R3HDM1: variants seen among roughly 807,000 people sequenced by gnomAD.
R3HDM1 encodes R3H domain-containing protein 1.
R3HDM1 carries 46 observed loss-of-function variants against 141.1 expected under a neutral mutation model. That is an observed-to-expected ratio of 0.33 (90% CI 0.26 to 0.42). The LOEUF is 0.42. Ranked by LOEUF, R3HDM1 falls within the 10% of genes least tolerant of loss-of-function variation. The pLI, the probability that R3HDM1 is intolerant of heterozygous loss-of-function variation, is 1.00. For synonymous variants in R3HDM1, 435 were observed against 472.9 expected (o/e 0.92, Z 1.04); for missense variants, 1,184 against 1,368.3 (o/e 0.87, Z 2.12).
intron 1 of R3HDM1, among the ~76,000 whole-genome samples, chr2:135,578,736 T>C (rs1187030916): frequency 6.6e-6 from 1 of 152,202 alleles, no homozygotes; most frequent in East Asian, 1.9e-4. Context: ...GTAGTAAATG[T>C]GTTTCTCACA....
chr2:135,576,848 G>A (rs972931116), intron 1 of R3HDM1, among the ~76,000 whole-genome samples: 1 of 152,124 alleles, frequency 6.6e-6, no homozygotes, highest in African/African-American at 2.4e-5. Context: ...GGGGCTAAGG[G>A]AGTTTGGTCT....
intron 1 of R3HDM1, among the ~76,000 whole-genome samples, chr2:135,562,986 C>A (rs1305190088): frequency 7.9e-5 from 12 of 152,164 alleles, no homozygotes; most frequent in Non-Finnish European, 2.9e-5. Flanking sequence ...TAATAGTATC[C>A]CCTTTCATTA....
intron 18 of R3HDM1, 140 bp from the exon 19 acceptor site, chr2:135,661,130 C>A: frequency 9.4e-7 from 1 of 1,058,784 alleles, no homozygotes; most frequent in Non-Finnish European, 1.3e-6. Context: ...TTTTAAATTT[C>A]AGTTAAATTT....
rs757185594 is a variant in R3HDM1 at position 135,622,266 on chromosome 2, A to C, written c.419-388A>C. The C allele has an allele frequency of 3.5e-5, 34 of 983,602 alleles. 1 individual carries two copies. In the South Asian group the frequency reaches 1.5e-3, roughly 42 times the overall value. The allele number at this position is 983,602 out of a possible 1,614,324, so 60.9% of individuals were successfully genotyped here. ...CCTCCATTATATTCATATCTGAACT[A>C]AGCTGTCTTAATTTGCTACAAATGT... On this transcript the variant is annotated intron_variant, in intron 6 of 26. Transcript: ENST00000683871.
chr2:135,590,090 C>T (rs1157041873), intron 1 of R3HDM1, among the ~76,000 whole-genome samples: 2 of 151,990 alleles, frequency 1.3e-5, no homozygotes, highest in Non-Finnish European at 1.5e-5. Context: ...CCTTTCATGG[C>T]CCAAAAATAA....
intron 2 of R3HDM1, among the ~76,000 whole-genome samples, chr2:135,604,132 C>G (rs1282705347): frequency 1.3e-5 from 2 of 152,116 alleles, no homozygotes. Context: ...GGAGAGTTTT[C>G]AATGCTTTCT....
intron 9 of R3HDM1, among the ~76,000 whole-genome samples, chr2:135,634,421 A>T (rs2105226252): frequency 6.6e-6 from 1 of 152,276 alleles, no homozygotes; most frequent in African/African-American, 2.4e-5. Context: ...CAGGTGGATC[A>T]CTTGAGGTCG....
At chr2:135,682,331 T>C (rs904621200) in intron 21 of R3HDM1, among the ~76,000 whole-genome samples, 1 of 152,094 alleles carries the variant, frequency 6.6e-6, no homozygotes, top group African/African-American at 2.4e-5. Context: ...TATAAGAACC[T>C]ATGTAAGATG....
intron 1 of R3HDM1, among the ~76,000 whole-genome samples, chr2:135,548,272 G>A (rs1278062332): frequency 1.3e-5 from 2 of 152,042 alleles, no homozygotes; most frequent in Admixed American, 1.3e-4. Context: ...CAATTTTACA[G>A]TTAACCTTTT....
intron 1 of R3HDM1, among the ~76,000 whole-genome samples, chr2:135,578,995 G>A (rs1410923958): frequency 6.6e-6 from 1 of 152,156 alleles, no homozygotes; most frequent in Non-Finnish European, 1.5e-5. Context: ...GTGTGAATAT[G>A]TGTATACTGT....
chr2:135,613,395 C>T (rs950792348), intron 3 of R3HDM1, among the ~76,000 whole-genome samples: 1 of 152,218 alleles, frequency 6.6e-6, no homozygotes, highest in Non-Finnish European at 1.5e-5. Context: ...CTTTAAATCT[C>T]TCTGACTTGC....
At chr2:135,543,035 G>C in intron 1 of R3HDM1, 1 of 948,052 alleles carries the variant, frequency 1.1e-6, no homozygotes, top group Non-Finnish European at 1.3e-6. Flanking sequence ...ACTGTCCCTG[G>C]TCTAAATGTT....
intron 21 of R3HDM1, among the ~76,000 whole-genome samples, chr2:135,709,023 A>G (rs2075297662): frequency 6.6e-6 from 1 of 151,874 alleles, no homozygotes; most frequent in South Asian, 2.1e-4. Flanking sequence ...TTTCACACTA[A>G]TAGCCTTTAA....
chr2:135,659,994 C>T (rs2066484250), intron 18 of R3HDM1, among the ~76,000 whole-genome samples: 2 of 152,122 alleles, frequency 1.3e-5, no homozygotes, highest in African/African-American at 4.8e-5. Context: ...CAAAATGTCA[C>T]TTTGTGATAC....
chr2:135,699,139 TTCGAAGAGAGGCCTAAATATATAGAAG>T (rs2073880107), intron 21 of R3HDM1, among the ~76,000 whole-genome samples: 1 of 149,400 alleles, frequency 6.7e-6, no homozygotes, highest in African/African-American at 2.5e-5. Context: ...AGCAAAATCA[TTCGAAGAGAGGCCTAAATATATAGAAG>T]ACTTTAGGAG....
At chr2:135,679,820 C>T (rs915500040) in intron 20 of R3HDM1, among the ~76,000 whole-genome samples, 2 of 152,208 alleles carry the variant, frequency 1.3e-5, no homozygotes, top group African/African-American at 4.8e-5. Context: ...TGGCTCACTC[C>T]TGTAATCCCA....
At chr2:135,609,488 G>A (rs905046031) in intron 3 of R3HDM1, among the ~76,000 whole-genome samples, 1 of 152,164 alleles carries the variant, frequency 6.6e-6, no homozygotes, top group Non-Finnish European at 1.5e-5. Context: ...GAATTTTTCT[G>A]CTGCCACACA....
intron 3 of R3HDM1, among the ~76,000 whole-genome samples, chr2:135,613,002 T>C (rs2060681479): frequency 6.6e-6 from 1 of 152,244 alleles, no homozygotes; most frequent in Non-Finnish European, 1.5e-5. Flanking sequence ...TATTGAACAA[T>C]GCCACTTTAG....
intron 19 of R3HDM1, among the ~76,000 whole-genome samples, chr2:135,664,437 TC>T (rs1315440741): frequency 6.6e-6 from 1 of 152,206 alleles, no homozygotes; most frequent in African/African-American, 2.4e-5. Flanking sequence ...CAATTTTTTT[TC>T]ACTGTGGCAC....
Sources: gnomAD v4.1 joint callset for allele counts (sites outside exome capture counted in the v4.1 genomes callset) on GRCh38, gnomAD v4.1.1 for gene constraint, MANE v1.5 for transcripts, NCBI Gene and HGNC (gene_info 2026-07-23, HGNC 2026-07-21) for gene names.